The following DEPDC5 variants were observed in gnomAD, a reference collection of about 807,000 sequenced individuals.
DEPDC5 encodes DEP domain containing 5, GATOR1 subcomplex subunit, also known as GATOR1 complex protein DEPDC5.
In DEPDC5, 73 loss-of-function variants were observed where a neutral mutation model predicts 217.3. The observed-to-expected ratio is 0.34, with a 90% CI of 0.28 to 0.41. The LOEUF (loss-of-function observed/expected upper bound fraction) is 0.41. Ranked by LOEUF, DEPDC5 falls within the 10% of genes least tolerant of loss-of-function variation. The probability of loss-of-function intolerance (pLI) is 1.00; values close to 1 mark genes in which losing one functional copy is unlikely to be tolerated. For missense variants in DEPDC5, 1,675 were observed against 2,070.1 expected (o/e 0.81, Z 3.70); for synonymous variants, 733 against 756.7 (o/e 0.97, Z 0.51).
chr22:31,861,285 C>A, intron 32 of DEPDC5, 83 bp from the exon 33 acceptor site: 1 of 1,289,892 alleles, frequency 7.8e-7, no homozygotes, highest in Non-Finnish European at 1.1e-6. Context: ...GTCTCCTTCC[C>A]CTGATGGTTA....
chr22:31,860,811 GC>G (rs11323564), intron 32 of DEPDC5, among the ~76,000 whole-genome samples: 53,236 of 151,802 alleles, frequency 0.35, 10,780 homozygotes, highest in African/African-American at 0.57. Context: ...CCATCTGGCT[GC>G]CCATGTTTAG....
chr22:31,873,411 G>T lies in DEPDC5; in HGVS notation c.3563+79G>T, dbSNP rs1048208037. On this transcript the variant is annotated intron_variant, in intron 35 of 42. Coordinates refer to ENST00000651528, the MANE Select transcript of DEPDC5 (RefSeq NM_001242896.3). ...AGCCATGTTTAGGCAGCGTGGTTTG[G>T]TAGATTTGTACATGACTGTACTTCT... 96 of 1,512,758 alleles carry T rather than the reference G, an allele frequency of 6.3e-5. 2 individuals are homozygous for T. In the South Asian group the frequency reaches 6.8e-4, roughly 11 times the overall value. 93.7% of individuals were successfully genotyped at this position (1,512,758 alleles called of 1,614,324 possible). A position where few individuals can be genotyped will look rare whatever the true frequency, so the allele number is the denominator to read the frequency against.
At chr22:31,755,160 G>A in intron 2 of DEPDC5, 181 bp downstream of exon 2, 1 of 583,804 alleles carries the variant, frequency 1.7e-6, no homozygotes. Flanking sequence ...TAATGCATTT[G>A]CATTCAGACT....
chr22:31,806,217 G>A, intron 18 of DEPDC5, 26 bp downstream of exon 18: 2 of 1,595,916 alleles, frequency 1.3e-6, no homozygotes, highest in Middle Eastern at 1.7e-4. Flanking sequence ...TGTTAAGACG[G>A]GGTCTTATTA....
chr22:31,755,250 ATGTT>A, intron 2 of DEPDC5: 1 of 467,716 alleles, frequency 2.1e-6, no homozygotes, highest in Non-Finnish European at 3.8e-6. Context: ...TCTTCCGTGT[ATGTT>A]CCATAAAATT....
At position 31,810,647 on chromosome 22, in the gene DEPDC5, C is replaced by T. The variant is rs1275802105; in HGVS notation, c.1445+6C>T. Reference sequence around the variant, plus strand: ...CAGTGCCTCACCACCTGCAGGTTTTCTGCCAGATTCACTTGGGGGTGCATA... The same window carrying T: ...CAGTGCCTCACCACCTGCAGGTTTTTTGCCAGATTCACTTGGGGGTGCATA... On this transcript the variant is annotated splice_donor_region_variant and intron_variant, in intron 20 of 42. Coordinates refer to ENST00000651528, the MANE Select transcript of DEPDC5 (RefSeq NM_001242896.3). The T allele has an allele frequency of 4.3e-6, 7 of 1,614,020 alleles. No individual in the cohort carries two copies. In the African/African-American group the frequency reaches 5.3e-5, roughly 12 times the overall value.
chr22:31,831,872 C>T (rs932176595), intron 24 of DEPDC5, among the ~76,000 whole-genome samples: 7 of 152,300 alleles, frequency 4.6e-5, no homozygotes, highest in Admixed American at 1.3e-4. Flanking sequence ...ACAAACACAT[C>T]AAGATAAGAA....
At chr22:31,826,598 C>G in intron 24 of DEPDC5, 1 of 340,076 alleles carries the variant, frequency 2.9e-6, no homozygotes. Flanking sequence ...AAGCCTGCCC[C>G]GGTGGTTCCC....
intron 14 of DEPDC5, among the ~76,000 whole-genome samples, chr22:31,802,429 C>T (rs2086976024): frequency 6.6e-6 from 1 of 151,974 alleles, no homozygotes; most frequent in South Asian, 2.1e-4. Context: ...CATACCCAGC[C>T]CTCACAGCAT....
intron 33 of DEPDC5, among the ~76,000 whole-genome samples, chr22:31,867,156 A>G (rs2092711981): frequency 6.6e-6 from 1 of 152,152 alleles, no homozygotes; most frequent in Non-Finnish European, 1.5e-5. Context: ...GACATCTGCC[A>G]TTCTCTCCAT....
Position 31,908,016 on chromosome 22 carries a change from C to G in DEPDC5, c.*1519C>G, listed in dbSNP as rs2093776453. The stretch of plus-strand genomic sequence containing the variant: ...GTCAGTCAGTCTTTTTATAAAACCA[C>G]TGTGATTTTGCCCACCACTTAACTA... On this transcript the variant is annotated 3_prime_UTR_variant, in exon 43 of 43. Transcript: ENST00000651528. 6.6e-6 allele frequency: 1 copy of G among 152,262 alleles called. No individual in the cohort carries two copies. The highest frequency in any genetic ancestry group is 1.5e-5 in the Non-Finnish European group (1 of 68,062). 9.4% of individuals were successfully genotyped at this position (152,262 alleles called of 1,614,324 possible).
intron 14 of DEPDC5, among the ~76,000 whole-genome samples, chr22:31,799,799 CTTTTTTTT>C (rs1158355451): frequency 1.4e-5 from 1 of 72,924 alleles, no homozygotes; most frequent in South Asian, 5.9e-4. Flanking sequence ...CATGCCCGGC[CTTTTTTTT>C]TTTTTTTTTT....
In DEPDC5 at chr22:31,799,799, CTTTTTTTTTTTTTTTTTT is replaced by C; in HGVS notation, c.946+1153_946+1170del. Among the ~76,000 whole-genome samples the C allele has an allele frequency of 4.1e-5, 3 of 72,930 alleles. No homozygotes were observed. In the East Asian group the frequency reaches 1.1e-3, roughly 27 times the overall value. The allele number at this position is 72,930 out of a possible 152,430, so 47.8% of individuals were successfully genotyped here. A position where few individuals can be genotyped will look rare whatever the true frequency, so the allele number is the denominator to read the frequency against. On this transcript the variant is annotated intron_variant, in intron 14 of 42. Transcript: ENST00000651528. ...ACAGGCATGAGCCACCATGCCCGGC[CTTTTTTTTTTTTTTTTTT>C]TTTTTTTTTGAGACAGAGTCTTACT... is the stretch of plus-strand genomic sequence containing the variant.
chr22:31,834,662 G>A (rs949515359), intron 25 of DEPDC5, among the ~76,000 whole-genome samples: 8 of 151,886 alleles, frequency 5.3e-5, no homozygotes, highest in Non-Finnish European at 7.4e-5. Context: ...GATTATAGGC[G>A]CGCGCCACCA....
intron 14 of DEPDC5, among the ~76,000 whole-genome samples, chr22:31,799,481 A>ATT (rs201792562): frequency 1.1e-4 from 14 of 128,366 alleles, no homozygotes; most frequent in East Asian, 4.6e-4. Context: ...TCTTAATGCT[A>ATT]TTTTTTTTTT....
At chr22:31,887,335 C>T (rs189313715) in intron 38 of DEPDC5, among the ~76,000 whole-genome samples, 98 of 147,982 alleles carry the variant, frequency 6.6e-4, no homozygotes, top group Non-Finnish European at 1.1e-3. Flanking sequence ...AGGAGAATTG[C>T]TTGAACCCAG....
Position 31,775,164 on chromosome 22 carries a change from A to G in DEPDC5, c.414-2935A>G, listed in dbSNP as rs531035826. On this transcript the variant is annotated intron_variant, in intron 7 of 42. Coordinates refer to ENST00000651528, the MANE Select transcript of DEPDC5 (RefSeq NM_001242896.3). ...GGTACACAGCATTTTCCTGGCTTTT[A>G]TCTGATTTTGTCTTCCTTCCTTTTT... Among the ~76,000 whole-genome samples, 4 of 149,478 alleles carry G rather than the reference A, an allele frequency of 2.7e-5. 1 individual carries two copies. The South Asian group carries it at 8.4e-4, about 31-fold the overall frequency.
At chr22:31,823,122 AG>A (rs2089852894) in intron 24 of DEPDC5, 1 of 250,190 alleles carries the variant, frequency 4.0e-6, no homozygotes, top group Admixed American at 4.8e-5. Context: ...TTTGGTTGTC[AG>A]GGGCAATGGG....
intron 27 of DEPDC5, among the ~76,000 whole-genome samples, chr22:31,842,632 A>G (rs1213927572): frequency 1.3e-5 from 2 of 152,086 alleles, no homozygotes; most frequent in South Asian, 2.1e-4. Context: ...AAATCAATAA[A>G]TGGTCCTTTT....
Sources: allele counts gnomAD v4.1 joint callset (sites outside exome capture counted in the v4.1 genomes callset), GRCh38; gene constraint gnomAD v4.1.1; transcripts MANE v1.5; gene names NCBI Gene and HGNC (gene_info 2026-07-23, HGNC 2026-07-21).